LY96: variants seen among roughly 807,000 people sequenced by gnomAD.
The protein encoded by LY96 is lymphocyte antigen 96.
In LY96, 18 loss-of-function variants were observed where a neutral mutation model predicts 18.9. The ratio of observed to expected loss-of-function variants is 0.95; its 90% CI spans 0.66 to 1.41. LY96 has a LOEUF of 1.41. Ranked by LOEUF, LY96 falls within the 40% of genes most tolerant of loss-of-function variation. The pLI is 0.00. For missense variants in LY96, 175 were observed against 182.4 expected (o/e 0.96, Z 0.23); for synonymous variants, 66 against 62.6 (o/e 1.06, Z -0.26).
the LY96 span, among the ~76,000 whole-genome samples, chr8:74,072,892 C>T: frequency 6.6e-6 from 1 of 152,110 alleles, no homozygotes; most frequent in Non-Finnish European, 1.5e-5. Context: ...AGGGTCCAAC[C>T]AGGGGAGCAG....
chr8:74,034,057 G>T (rs1817010483), downstream of LY96, among the ~76,000 whole-genome samples: 1 of 152,136 alleles, frequency 6.6e-6, no homozygotes, highest in Non-Finnish European at 1.5e-5. Context: ...AACTTATTTT[G>T]CACATACATT....
chr8:74,068,079 A>ATATATATATATATATAT, the LY96 span, among the ~76,000 whole-genome samples: 2 of 97,228 alleles, frequency 2.1e-5, no homozygotes, highest in African/African-American at 1.3e-4. Context: ...AAAAAAAAAA[A>ATATATATATATATATAT]AAAAAAAAAA....
the LY96 span, among the ~76,000 whole-genome samples, chr8:74,095,426 C>T: frequency 7.9e-5 from 12 of 152,164 alleles, no homozygotes; most frequent in Non-Finnish European, 1.8e-4. Flanking sequence ...AGGTTTAATG[C>T]CAGCCACGGT....
the LY96 span, among the ~76,000 whole-genome samples, chr8:74,071,612 T>C: frequency 1.3e-5 from 2 of 152,192 alleles, no homozygotes; most frequent in African/African-American, 4.8e-5. Flanking sequence ...TATCTACCAG[T>C]GTATATTTTC....
At chr8:74,084,758 C>T in the LY96 span, among the ~76,000 whole-genome samples, 24 of 152,080 alleles carry the variant, frequency 1.6e-4, no homozygotes, top group Non-Finnish European at 2.6e-4. Flanking sequence ...GGATTACAGG[C>T]GCCTGCCACC....
the LY96 span, among the ~76,000 whole-genome samples, chr8:74,093,022 A>G: frequency 1.3e-3 from 196 of 152,290 alleles, 4 homozygotes; most frequent in South Asian, 0.038. Flanking sequence ...AAAGCATGGC[A>G]TTCAAAAGCT....
the LY96 span, among the ~76,000 whole-genome samples, chr8:74,059,039 T>C: frequency 6.6e-6 from 1 of 152,124 alleles, no homozygotes; most frequent in Non-Finnish European, 1.5e-5. Flanking sequence ...ATTTAGGCCT[T>C]CCACGGATTG....
At chr8:74,054,842 A>G in the LY96 span, among the ~76,000 whole-genome samples, 1 of 150,812 alleles carries the variant, frequency 6.6e-6, no homozygotes, top group East Asian at 2.0e-4. Flanking sequence ...TTTTTTAAAA[A>G]TTGTTTTCTA....
the LY96 span, among the ~76,000 whole-genome samples, chr8:74,053,365 G>A: frequency 6.6e-6 from 1 of 152,140 alleles, no homozygotes; most frequent in Non-Finnish European, 1.5e-5. Flanking sequence ...TTAGTGACCT[G>A]TCTAAAATAA....
the LY96 span, among the ~76,000 whole-genome samples, chr8:74,093,817 A>G: frequency 1.3e-5 from 2 of 152,178 alleles, no homozygotes; most frequent in Admixed American, 1.3e-4. Flanking sequence ...CTCAACATCT[A>G]AAAATAATAA....
the LY96 span, among the ~76,000 whole-genome samples, chr8:74,081,741 C>T: frequency 1.3e-5 from 2 of 152,002 alleles, no homozygotes; most frequent in African/African-American, 4.8e-5. Context: ...ACAACCTCTG[C>T]CTCCTGGGTT....
chr8:74,016,173 T>C (rs1816637617), intron 3 of LY96, among the ~76,000 whole-genome samples: 2 of 152,226 alleles, frequency 1.3e-5, no homozygotes. Flanking sequence ...ACTGCACTTT[T>C]CCAATGGTCT....
intron 1 of LY96, among the ~76,000 whole-genome samples, chr8:73,996,056 C>T (rs1816119842): frequency 6.6e-6 from 1 of 152,200 alleles, no homozygotes; most frequent in Admixed American, 6.5e-5. Flanking sequence ...AGCCCAGCTA[C>T]TCAGGAGGCT....
At chr8:74,053,614 C>G in the LY96 span, among the ~76,000 whole-genome samples, 1 of 152,194 alleles carries the variant, frequency 6.6e-6, no homozygotes, top group African/African-American at 2.4e-5. Flanking sequence ...ACTCTCATTG[C>G]TCTTCTTACC....
the LY96 span, among the ~76,000 whole-genome samples, chr8:74,060,183 C>T: frequency 1.3e-5 from 2 of 152,032 alleles, no homozygotes; most frequent in Admixed American, 6.5e-5. Flanking sequence ...ACGACGACAA[C>T]GAAAAACTTC....
intron 1 of LY96, among the ~76,000 whole-genome samples, chr8:74,003,146 A>G (rs1412143357): frequency 6.6e-6 from 1 of 152,122 alleles, no homozygotes; most frequent in Admixed American, 6.5e-5. Context: ...CATCTTTTTC[A>G]GTCTTCACAG....
the LY96 span, among the ~76,000 whole-genome samples, chr8:74,072,448 A>G: frequency 1.3e-5 from 2 of 152,280 alleles, no homozygotes; most frequent in African/African-American, 4.8e-5. Context: ...AATCTAACAT[A>G]TGGTTAAAAT....
chr8:74,032,876 G>GTGTT, downstream of LY96, among the ~76,000 whole-genome samples: 1 of 152,302 alleles, frequency 6.6e-6, no homozygotes, highest in Admixed American at 6.5e-5. Context: ...AACCAGCCTA[G>GTGTT]TGTTTATCCT....
rs189763383 is a variant in LY96, at chr8:73,992,472, T to G, written c.112+918T>G. On this transcript the variant is annotated intron_variant, in intron 1 of 4. Coordinates refer to ENST00000284818, the MANE Select transcript of LY96 (RefSeq NM_015364.5). ...ATGTACTTTGGGTTCTGAGAAGTTC[T>G]GCAATAAAGGCACCTGTTTAACCAC... 3.0e-3 allele frequency among the ~76,000 whole-genome samples: 464 copies of G among 152,368 alleles called. 2 individuals carry two copies. The highest frequency in any genetic ancestry group is 0.011 in the African/African-American group (447 of 41,592).
Sources: allele counts gnomAD v4.1 joint callset (sites outside exome capture counted in the v4.1 genomes callset), GRCh38; gene constraint gnomAD v4.1.1; transcripts MANE v1.5; gene names NCBI Gene and HGNC (gene_info 2026-07-23, HGNC 2026-07-21).